The following TPP2 variants were observed in gnomAD, a reference collection of about 807,000 sequenced individuals.
The protein encoded by TPP2 is tripeptidyl peptidase 2.
In TPP2, 34 loss-of-function variants were observed where a neutral mutation model predicts 155.9. The observed-to-expected ratio is 0.22, with a 90% CI of 0.17 to 0.29. TPP2 has a LOEUF of 0.29. TPP2 is among the 10% of genes least tolerant of loss of function. The pLI is 1.00. For missense variants in TPP2, 1,028 were observed against 1,522.3 expected (o/e 0.68, Z 5.40); for synonymous variants, 510 against 529.4 (o/e 0.96, Z 0.50).
intron 5 of TPP2, among the ~76,000 whole-genome samples, chr13:102,621,857 A>T (rs939732837): frequency 6.6e-6 from 1 of 152,184 alleles, no homozygotes; most frequent in Admixed American, 6.5e-5. Context: ...GACAAGTGCT[A>T]CTTCTGTAGC....
intron 27 of TPP2, among the ~76,000 whole-genome samples, chr13:102,670,216 A>G (rs1884881163): frequency 6.6e-6 from 1 of 152,116 alleles, no homozygotes; most frequent in Non-Finnish European, 1.5e-5. Context: ...TAACTACAGG[A>G]GTACTAGATA....
At chr13:102,661,571 A>G (rs967538224) in intron 25 of TPP2, among the ~76,000 whole-genome samples, 1 of 152,154 alleles carries the variant, frequency 6.6e-6, no homozygotes, top group Admixed American at 6.6e-5. Context: ...TAATTCCTAC[A>G]ATTTCATAAT....
At chr13:102,608,372 C>T (rs2139422872) in intron 2 of TPP2, among the ~76,000 whole-genome samples, 1 of 151,652 alleles carries the variant, frequency 6.6e-6, no homozygotes, top group East Asian at 1.9e-4. Context: ...CCTTTATTTC[C>T]AAGAATTTTT....
intron 25 of TPP2, among the ~76,000 whole-genome samples, chr13:102,658,739 G>A (rs1884013558): frequency 1.4e-5 from 2 of 146,966 alleles, no homozygotes; most frequent in South Asian, 4.3e-4. Flanking sequence ...TTCAGATCTT[G>A]CCTTCAAGAG....
At chr13:102,670,170 G>GT (rs374725309) in intron 27 of TPP2, among the ~76,000 whole-genome samples, 1 of 82,416 alleles carries the variant, frequency 1.2e-5, no homozygotes, top group Non-Finnish European at 2.9e-5. Flanking sequence ...GGTATTGTGG[G>GT]TGGGGGGGTG....
In TPP2 at chr13:102,616,494, T is replaced by C. The variant is rs372990891; in HGVS notation, c.489T>C (p.Ser163=). ...QEEFDVANNG[S]SQANKLIKEE... The stretch of plus-strand genomic sequence containing the variant: ...AATTTGATGTTGCCAACAACGGCTC[T>C]TCTCAAGTTGGTGCTAGTCGATTTC... Residue 163 remains serine (S), a synonymous_variant, in exon 4 of 30, where the codon TCT becomes TCC. Coordinates refer to ENST00000376052, the MANE Select transcript of TPP2 (RefSeq NM_001330588.2). 2.2e-5 allele frequency: 35 copies of C among 1,609,004 alleles called. No homozygotes were observed. Among genetic ancestry groups the C allele is most frequent in the Non-Finnish European group, 2.9e-5 (34 of 1,177,456 alleles).
chr13:102,672,485 AGCTTTT>A (rs1885044656), intron 27 of TPP2, among the ~76,000 whole-genome samples: 1 of 152,282 alleles, frequency 6.6e-6, no homozygotes, highest in East Asian at 1.9e-4. Context: ...CCTCTTTCGA[AGCTTTT>A]GCAAAACCTC....
At position 102,629,513 on chromosome 13, in the gene TPP2, T is replaced by A. The variant is rs138559006; in HGVS notation, c.1048T>A (p.Trp350Arg). The change falls in exon 9 of 30, where the codon TGG (tryptophan) becomes AGG (arginine). Residue 350 changes from tryptophan to arginine, a missense_variant. Around this residue, in one of 7 missense-constraint regions of TPP2, gnomAD observed 63 missense variants for 165.7 expected, o/e 0.38. Coordinates refer to ENST00000376052, the MANE Select transcript of TPP2 (RefSeq NM_001330588.2). ...TTGTGAAGTAATTAATGAAGCAGTA[T>A]GGAAGCATAATATAATTTATGTTTC... ...RICEVINEAV[W>R]KHNIIYVSSA... 4.6e-6 allele frequency: 7 copies of A among 1,525,510 alleles called. No homozygotes were observed. In the African/African-American group the frequency reaches 8.7e-5, roughly 19 times the overall value. The allele number at this position is 1,525,510 out of a possible 1,614,324, so 94.5% of individuals were successfully genotyped here.
At chr13:102,646,525 G>A (rs868589358) in intron 20 of TPP2, 135 bp downstream of exon 20, 2 of 577,178 alleles carry the variant, frequency 3.5e-6, no homozygotes, top group Non-Finnish European at 5.7e-6. Context: ...CAGTTAATTT[G>A]GAATTACTCT....
chr13:102,645,066 T>TA, intron 19 of TPP2, 57 bp downstream of exon 19: 1 of 1,516,372 alleles, frequency 6.6e-7, no homozygotes, highest in East Asian at 2.3e-5. Context: ...GGGGATCTCT[T>TA]ACACTCTTAA....
chr13:102,633,849 A>T, intron 10 of TPP2, 101 bp from the exon 11 acceptor site: 1 of 1,511,930 alleles, frequency 6.6e-7, no homozygotes, highest in Non-Finnish European at 9.0e-7. Flanking sequence ...CAGTTAGTAC[A>T]TAGTGTTATA....
At chr13:102,646,575 TA>T (rs1366707023) in intron 20 of TPP2, among the ~76,000 whole-genome samples, 185 bp downstream of exon 20, 2 of 152,222 alleles carry the variant, frequency 1.3e-5, no homozygotes, top group Non-Finnish European at 2.9e-5. Context: ...CATTCAGTTG[TA>T]AAGTCACAAA....
chr13:102,659,951 A>T (rs1296256875), intron 25 of TPP2, among the ~76,000 whole-genome samples: 2 of 151,120 alleles, frequency 1.3e-5, no homozygotes, highest in Non-Finnish European at 2.9e-5. Flanking sequence ...AAGGAGCAAA[A>T]CTGTATTGGG....
intron 27 of TPP2, among the ~76,000 whole-genome samples, chr13:102,670,926 T>C (rs1246288721): frequency 2.0e-5 from 3 of 152,328 alleles, no homozygotes; most frequent in African/African-American, 4.8e-5. Flanking sequence ...GACAGAGGCA[T>C]ATAGACTTAC....
Position 102,678,400 on chromosome 13 carries a change from A to G in TPP2, c.*84A>G. 1 of 1,184,708 alleles carries G rather than the reference A, an allele frequency of 8.4e-7. No homozygotes were observed. Among genetic ancestry groups the G allele is most frequent in the South Asian group, 1.3e-5 (1 of 76,176 alleles). The allele number at this position is 1,184,708 out of a possible 1,614,324, so 73.4% of individuals were successfully genotyped here. ...AACAAATTTGTGGCATTTTTAGTCT[A>G]ATGCATGTTTTCATCCACTATCCAG... On this transcript the variant is annotated 3_prime_UTR_variant, in exon 30 of 30. Transcript: ENST00000376052.
At position 102,613,966 on chromosome 13, in the gene TPP2, C is replaced by T. The variant is rs947588344; in HGVS notation, c.295-135C>T. On this transcript the variant is annotated intron_variant, in intron 2 of 29. Transcript: ENST00000376052. The stretch of plus-strand genomic sequence containing the variant: ...AAGTAACTACTTAGAGTATTAAACA[C>T]GTTGTTGTACATGAGCATCCTTATC... 2.8e-5 allele frequency: 18 copies of T among 648,986 alleles called. No individual in the cohort carries two copies. The East Asian group carries it at 3.2e-4, about 11-fold the overall frequency. The allele number at this position is 648,986 out of a possible 1,614,324, so 40.2% of individuals were successfully genotyped here.
chr13:102,656,601 G>T (rs934477078), intron 24 of TPP2, among the ~76,000 whole-genome samples: 1 of 152,022 alleles, frequency 6.6e-6, no homozygotes, highest in Non-Finnish European at 1.5e-5. Context: ...GGCACATCGC[G>T]GGGACTCAGT....
chr13:102,671,664 C>T (rs1884991836), intron 27 of TPP2, among the ~76,000 whole-genome samples: 1 of 152,186 alleles, frequency 6.6e-6, no homozygotes. Context: ...AGCTCCCCTT[C>T]TAATGCCGCT....
rs1045751244 is a variant in TPP2, at chr13:102,629,539, A to G, written c.1074A>G (p.Ser358=). 3 of 1,539,988 alleles carry G rather than the reference A, an allele frequency of 1.9e-6. No individual in the cohort carries two copies. Among genetic ancestry groups the G allele is most frequent in the South Asian group, 1.3e-5 (1 of 77,504 alleles). Residue 358 remains serine, a synonymous_variant, in exon 9 of 30, where the codon TCA becomes TCG. Transcript: ENST00000376052. ...AVWKHNIIYV[S]SAGNNGPCLS... The stretch of plus-strand genomic sequence containing the variant: ...GGAAGCATAATATAATTTATGTTTC[A>G]AGTGCTGGAAATAATGGTCCATGCC...
Sources: allele counts gnomAD v4.1 joint callset (sites outside exome capture counted in the v4.1 genomes callset), GRCh38; gene constraint gnomAD v4.1.1; regional missense constraint gnomAD v4.1.1; transcripts MANE v1.5; gene names NCBI Gene and HGNC (gene_info 2026-07-23, HGNC 2026-07-21).